The following ABCA5 variants were observed in gnomAD, a reference collection of about 807,000 sequenced individuals.
The protein encoded by ABCA5 is cholesterol transporter ABCA5.
A neutral mutation model predicts 206.0 loss-of-function variants in ABCA5; 163 were observed. The observed-to-expected ratio is 0.79, with a 90% CI of 0.70 to 0.90. The LOEUF is 0.90. Among genes scored for constraint, ABCA5 ranks in the 40% least tolerant of loss-of-function variants. The probability of loss-of-function intolerance (pLI) is 0.00; values close to 1 mark genes in which losing one functional copy is unlikely to be tolerated. For synonymous variants in ABCA5, 609 were observed against 613.8 expected, an observed-to-expected ratio of 0.99 and a Z score of 0.11; for missense variants, 1,859 against 1,912.9, an observed-to-expected ratio of 0.97 and a Z score of 0.53.
intron 24 of ABCA5, among the ~76,000 whole-genome samples, chr17:69,261,955 C>T (rs569270008): frequency 6.6e-5 from 10 of 152,146 alleles, no homozygotes; most frequent in Non-Finnish European, 1.3e-4. Context: ...AACGTTCTCT[C>T]TCTCAAATAT....
intron 8 of ABCA5, 100 bp downstream of exon 8, chr17:69,302,618 A>T: frequency 1.3e-6 from 1 of 767,712 alleles, no homozygotes; most frequent in Non-Finnish European, 1.8e-6. Context: ...TTTTAAAATA[A>T]TTTTTTTGGT....
chr17:69,313,897 T>C (rs1269817896), intron 2 of ABCA5, among the ~76,000 whole-genome samples: 1 of 152,178 alleles, frequency 6.6e-6, no homozygotes, highest in Non-Finnish European at 1.5e-5. Flanking sequence ...CTTTTACCCT[T>C]ATCAAAAGTA....
chr17:69,282,180 A>G (rs891333718), intron 18 of ABCA5, among the ~76,000 whole-genome samples: 8 of 152,168 alleles, frequency 5.3e-5, no homozygotes, highest in African/African-American at 1.9e-4. Context: ...CTTCACAGCA[A>G]TTGACAAATA....
intron 5 of ABCA5, 130 bp from the exon 6 acceptor site, chr17:69,307,084 C>A: frequency 4.4e-6 from 2 of 450,608 alleles, no homozygotes; most frequent in Non-Finnish European, 7.5e-6. Context: ...AAGCTCCATA[C>A]CTGAAATAAA....
chr17:69,258,392 C>G (rs908164050), intron 28 of ABCA5, among the ~76,000 whole-genome samples: 2 of 152,078 alleles, frequency 1.3e-5, no homozygotes, highest in East Asian at 3.8e-4. Context: ...AACTGGAGAC[C>G]ATTATCCTAA....
intron 1 of ABCA5, among the ~76,000 whole-genome samples, chr17:69,317,399 C>CAA (rs1168274624): frequency 0.051 from 3,782 of 73,950 alleles, 208 homozygotes; most frequent in Middle Eastern, 0.11. Flanking sequence ...GACTCTGTCT[C>CAA]AAAAAAAAAA....
rs374761352 is a variant in ABCA5, at chr17:69,303,856, G to GTATA, written c.930+809_930+812dup. ...TATATATATACATACATATATATAT[G>GTATA]TATATATATATATACATATATACAT... is the stretch of plus-strand genomic sequence containing the variant. On this transcript the variant is annotated intron_variant, in intron 7 of 38. Transcript: ENST00000392676. Among the ~76,000 whole-genome samples, 28 of 27,342 alleles carry GTATA rather than the reference G, an allele frequency of 1.0e-3. 1 individual carries two copies. The highest frequency in any genetic ancestry group is 3.8e-3 in the African/African-American group (28 of 7,388). The allele number at this position is 27,342 out of a possible 152,430, so 17.9% of individuals were successfully genotyped here. A position where few individuals can be genotyped will look rare whatever the true frequency, so the allele number is the denominator to read the frequency against.
chr17:69,248,241 A>T (rs1167656822), intron 38 of ABCA5, 21 bp downstream of exon 38: 7 of 1,418,284 alleles, frequency 4.9e-6, no homozygotes, highest in South Asian at 2.6e-5. Flanking sequence ...AATAATTTTT[A>T]AAAATTTAAC....
chr17:69,309,721 C>T (rs2075751975), intron 3 of ABCA5, among the ~76,000 whole-genome samples: 1 of 151,884 alleles, frequency 6.6e-6, no homozygotes, highest in Non-Finnish European at 1.5e-5. Flanking sequence ...TGTGCCTGCA[C>T]TTCCAGCTAC....
intron 3 of ABCA5, among the ~76,000 whole-genome samples, chr17:69,311,656 A>C (rs1276852408): frequency 6.6e-6 from 1 of 151,708 alleles, no homozygotes; most frequent in Non-Finnish European, 1.5e-5. Context: ...TGGCTGGATA[A>C]TTTTTTTGTA....
intron 27 of ABCA5, among the ~76,000 whole-genome samples, chr17:69,260,004 T>C (rs1237371911): frequency 6.6e-6 from 1 of 151,972 alleles, no homozygotes; most frequent in Non-Finnish European, 1.5e-5. Flanking sequence ...TTTTAGCAAA[T>C]TATTCACATA....
intron 34 of ABCA5, 52 bp downstream of exon 34, chr17:69,253,521 A>G: frequency 1.6e-6 from 2 of 1,235,874 alleles, no homozygotes; most frequent in Non-Finnish European, 2.3e-6. Context: ...ATAATAAAAG[A>G]AACTGTTCTA....
Position 69,286,028 on chromosome 17 carries a change from T to C in ABCA5, c.2142A>G (p.Ile714Met). 6.2e-7 allele frequency: 1 copy of C among 1,610,826 alleles called. No individual in the cohort carries two copies. Among genetic ancestry groups the C allele is most frequent in the Non-Finnish European group, 8.5e-7 (1 of 1,179,050 alleles). Residue 714 changes from isoleucine to methionine, a missense_variant, in exon 17 of 39, where the codon ATA (isoleucine) becomes ATG (methionine). Transcript: ENST00000392676. ...GAGATTCTGTGGCACAATATTTGTCTATGTACATGCTAGAGAATACCAAAA... is the reference window on the plus strand; with the variant it reads ...GAGATTCTGTGGCACAATATTTGTCCATGTACATGCTAGAGAATACCAAAA... ...WGIGYRLSMY[I>M]DKYCATESLS...
rs564640677 is a variant in ABCA5 at position 69,281,190 on chromosome 17, A to T, written c.2392+2763T>A. On this transcript the variant is annotated intron_variant, in intron 18 of 38. Transcript: ENST00000392676. ...ACTTTCAACACAGAAAAATATTAACAGTTAATGCAAATATTAAAGAGAATG... is the reference window on the plus strand; with the variant it reads ...ACTTTCAACACAGAAAAATATTAACTGTTAATGCAAATATTAAAGAGAATG... Among the ~76,000 whole-genome samples, 410 of 151,972 alleles carry T rather than the reference A, an allele frequency of 2.7e-3. 3 individuals are homozygous for T. The highest frequency in any genetic ancestry group is 3.1e-3 in the Non-Finnish European group (211 of 67,946).
Position 69,282,980 on chromosome 17 carries a change from CTTTT to C in ABCA5, c.2392+969_2392+972del, listed in dbSNP as rs1048269473. Among the ~76,000 whole-genome samples, 473 of 112,980 alleles carry C rather than the reference CTTTT, an allele frequency of 4.2e-3. 6 individuals carry two copies. Among genetic ancestry groups the C allele is most frequent in the African/African-American group, 0.014 (437 of 30,470 alleles). The allele number at this position is 112,980 out of a possible 152,430, so 74.1% of individuals were successfully genotyped here. ...TATAACCCAAATATCTGTTCTTTCCCTTTTTTTTTTTTTTTTTTTTTTTTTAAAC... is the reference window on the plus strand; with the variant it reads ...TATAACCCAAATATCTGTTCTTTCCCTTTTTTTTTTTTTTTTTTTTTAAAC... On this transcript the variant is annotated intron_variant, in intron 18 of 38. Transcript: ENST00000392676.
In ABCA5 at chr17:69,304,828, A is replaced by G; in HGVS notation, c.789-18T>C. ...AGGAAAGCCTAAAATGAGAATACAG[A>G]TATAGTTATGGTCAAATGCATAGGC... On this transcript the variant is annotated intron_variant, in intron 6 of 38. Coordinates refer to ENST00000392676, the MANE Select transcript of ABCA5 (RefSeq NM_172232.4). 6.4e-7 allele frequency: 1 copy of G among 1,565,896 alleles called. No homozygotes were observed. Among genetic ancestry groups the G allele is most frequent in the Non-Finnish European group, 8.6e-7 (1 of 1,159,502 alleles).
intron 14 of ABCA5, among the ~76,000 whole-genome samples, chr17:69,288,482 T>C (rs895282941): frequency 6.6e-6 from 1 of 152,172 alleles, no homozygotes; most frequent in South Asian, 2.1e-4. Context: ...TTTTAAACTA[T>C]AGAGAACAAG....
At chr17:69,294,594 C>A in intron 11 of ABCA5, 61 bp downstream of exon 11, 1 of 1,343,032 alleles carries the variant, frequency 7.4e-7, no homozygotes. Context: ...ACAAGCTATG[C>A]AAATTATTTT....
intron 5 of ABCA5, among the ~76,000 whole-genome samples, chr17:69,307,365 T>C (rs979414143): frequency 2.0e-5 from 3 of 152,060 alleles, no homozygotes; most frequent in Non-Finnish European, 2.9e-5. Context: ...CTAAATACCA[T>C]GCCCTTCTAC....
Sources: allele counts gnomAD v4.1 joint callset (sites outside exome capture counted in the v4.1 genomes callset), GRCh38; gene constraint gnomAD v4.1.1; transcripts MANE v1.5; gene names NCBI Gene and HGNC (gene_info 2026-07-23, HGNC 2026-07-21).